Variants in SOX6 observed in about 807,000 individuals in gnomAD.
SOX6 encodes SRY-box transcription factor 6.
SOX6 carries 11 observed loss-of-function variants against 97.8 expected under a neutral mutation model. The observed-to-expected ratio is 0.11, with a 90% CI of 0.07 to 0.19. The LOEUF (loss-of-function observed/expected upper bound fraction) is 0.19, where lower values mean the gene tolerates loss of function less well. Ranked by LOEUF, SOX6 falls within the 10% of genes least tolerant of loss-of-function variation. The probability of loss-of-function intolerance (pLI) is 1.00; values close to 1 mark genes in which losing one functional copy is unlikely to be tolerated. For missense variants in SOX6, 810 were observed against 1,039.5 expected (o/e 0.78, Z 3.04); for synonymous variants, 360 against 371.4 (o/e 0.97, Z 0.35).
intron 3 of SOX6, among the ~76,000 whole-genome samples, chr11:16,618,013 T>TA (rs1302516905): frequency 6.6e-6 from 1 of 151,904 alleles, no homozygotes; most frequent in Non-Finnish European, 1.5e-5. Context: ...TTTAAAGTAA[T>TA]TATTGCAAGA....
At chr11:16,632,353 G>T (rs1428237089) in intron 3 of SOX6, among the ~76,000 whole-genome samples, 1 of 152,152 alleles carries the variant, frequency 6.6e-6, no homozygotes, top group East Asian at 1.9e-4. Flanking sequence ...GGCAGGTTTT[G>T]TATTGGACTG....
chr11:16,680,542 G>A (rs937176175), intron 3 of SOX6, among the ~76,000 whole-genome samples: 10 of 152,066 alleles, frequency 6.6e-5, no homozygotes, highest in South Asian at 2.1e-4. Context: ...ATGAAGAAAC[G>A]GCATCAATTA....
intron 6 of SOX6, among the ~76,000 whole-genome samples, chr11:16,173,763 A>AT (rs1851105301): frequency 6.6e-6 from 1 of 150,818 alleles, no homozygotes; most frequent in African/African-American, 2.4e-5. Context: ...ACTCAAAGAC[A>AT]TTTTTTCTGT....
intron 4 of SOX6, among the ~76,000 whole-genome samples, chr11:16,197,550 A>T (rs972329583): frequency 6.6e-6 from 1 of 152,134 alleles, no homozygotes; most frequent in African/African-American, 2.4e-5. Context: ...GATTCTAAAA[A>T]CTGCTGTTTC....
intron 4 of SOX6, among the ~76,000 whole-genome samples, chr11:16,207,488 G>A (rs1238252674): frequency 6.6e-6 from 1 of 151,692 alleles, no homozygotes; most frequent in African/African-American, 2.4e-5. Flanking sequence ...CCAGCTACTC[G>A]GGAGGCTGAG....
chr11:16,178,951 G>A (rs182641973), intron 6 of SOX6, among the ~76,000 whole-genome samples: 1 of 151,850 alleles, frequency 6.6e-6, no homozygotes, highest in African/African-American at 2.4e-5. Context: ...AAAATTAGAG[G>A]TCAATTAGAT....
intron 1 of SOX6, among the ~76,000 whole-genome samples, chr11:16,414,508 T>C (rs1281735369): frequency 6.6e-6 from 1 of 152,144 alleles, no homozygotes; most frequent in Non-Finnish European, 1.5e-5. Context: ...TACTGAATAA[T>C]GGGCATTATA....
chr11:16,643,936 C>T (rs1392751772), intron 3 of SOX6, among the ~76,000 whole-genome samples: 1 of 152,230 alleles, frequency 6.6e-6, no homozygotes, highest in Admixed American at 6.5e-5. Flanking sequence ...CTGTCTGACA[C>T]TCCCCAGTGA....
intron 1 of SOX6, among the ~76,000 whole-genome samples, chr11:16,432,408 C>T (rs1194414712): frequency 6.6e-6 from 1 of 152,022 alleles, no homozygotes; most frequent in East Asian, 1.9e-4. Flanking sequence ...ATGAATGATA[C>T]TGAAATAATG....
At chr11:16,067,832 AT>A in intron 9 of SOX6, among the ~76,000 whole-genome samples, 2 of 152,280 alleles carry the variant, frequency 1.3e-5, no homozygotes, top group East Asian at 3.9e-4. Flanking sequence ...TAAAATTTCA[AT>A]TTAAAAAAAT....
At chr11:16,015,100 C>A (rs772824616) in intron 12 of SOX6, 50 bp from the exon 13 acceptor site, 2 of 1,503,920 alleles carry the variant, frequency 1.3e-6, no homozygotes, top group South Asian at 1.1e-5. Context: ...AAACAGCCAC[C>A]ATTTCCTTCC....
chr11:16,432,744 A>G (rs570908039), intron 1 of SOX6, among the ~76,000 whole-genome samples: 1 of 152,164 alleles, frequency 6.6e-6, no homozygotes, highest in Non-Finnish European at 1.5e-5. Context: ...AACAAACACC[A>G]AAATCCAGTT....
chr11:16,405,175 C>G (rs1858658647), intron 1 of SOX6, among the ~76,000 whole-genome samples: 1 of 151,906 alleles, frequency 6.6e-6, no homozygotes, highest in Non-Finnish European at 1.5e-5. Flanking sequence ...CTCTGCCTTG[C>G]TAGTGGAACA....
chr11:16,080,461 G>T (rs1439574653), intron 9 of SOX6, among the ~76,000 whole-genome samples: 1 of 151,976 alleles, frequency 6.6e-6, no homozygotes, highest in Non-Finnish European at 1.5e-5. Context: ...ATTTTTGTAT[G>T]GAGTAAATGA....
chr11:16,106,015 T>G (rs956934777), intron 7 of SOX6, among the ~76,000 whole-genome samples: 1 of 152,142 alleles, frequency 6.6e-6, no homozygotes, highest in Admixed American at 6.6e-5. Flanking sequence ...AAGACTTGTA[T>G]GTTGAAAACT....
chr11:16,102,303 T>G (rs566620498), intron 7 of SOX6, among the ~76,000 whole-genome samples: 2 of 151,802 alleles, frequency 1.3e-5, no homozygotes, highest in African/African-American at 4.8e-5. Flanking sequence ...AATAAAATAC[T>G]TAGGAATATA....
At chr11:16,634,325 G>GA (rs1289599476) in intron 3 of SOX6, among the ~76,000 whole-genome samples, 3 of 146,380 alleles carry the variant, frequency 2.0e-5, no homozygotes, top group Non-Finnish European at 4.5e-5. Context: ...GAAAAGAGAA[G>GA]AAAAAAATGG....
At chr11:16,222,570 T>G (rs1016904714) in intron 4 of SOX6, among the ~76,000 whole-genome samples, 1 of 152,076 alleles carries the variant, frequency 6.6e-6, no homozygotes, top group African/African-American at 2.4e-5. Context: ...ACTTTTAAAT[T>G]TTCTCGTTTA....
rs1358525820 is a variant in SOX6, at chr11:16,111,880, T to C, written c.821A>G (p.His274Arg). ...AGCTGCTGCCAGAGTCCGCTGGTCA[T>C]GTGGAAAAATTGGGATCATGAGCGG... is the stretch of plus-strand genomic sequence containing the variant. Reference protein sequence around the residue: ...MPPLMIPIFPHDQRTLAAAAA... With the variant: ...MPPLMIPIFPRDQRTLAAAAA... Residue 274 changes from histidine (H) to arginine (R), a missense_variant, in exon 7 of 16, where the codon CAT becomes CGT. Coordinates refer to ENST00000683767, the MANE Select transcript of SOX6 (RefSeq NM_001367873.1). The C allele has an allele frequency of 2.5e-6, 4 of 1,612,564 alleles. No homozygotes were observed. Among genetic ancestry groups the C allele is most frequent in the Non-Finnish European group, 3.4e-6 (4 of 1,179,954 alleles).
Sources: allele counts gnomAD v4.1 joint callset (sites outside exome capture counted in the v4.1 genomes callset), GRCh38; gene constraint gnomAD v4.1.1; transcripts MANE v1.5; gene names NCBI Gene and HGNC (gene_info 2026-07-23, HGNC 2026-07-21).